The following CDH18 variants were observed in gnomAD, a reference collection of about 807,000 sequenced individuals.
CDH18 encodes cadherin-18.
In CDH18, 31 loss-of-function variants were observed where a neutral mutation model predicts 67.9. The observed-to-expected ratio is 0.46, with a 90% CI of 0.34 to 0.62. The LOEUF (loss-of-function observed/expected upper bound fraction) is 0.62. Ranked by LOEUF, CDH18 falls within the 20% of genes least tolerant of loss-of-function variation. The pLI, the probability that CDH18 is intolerant of heterozygous loss-of-function variation, is 0.01. For synonymous variants in CDH18, 362 were observed against 347.2 expected, an observed-to-expected ratio of 1.04 and a Z score of -0.48; for missense variants, 890 against 975.5, an observed-to-expected ratio of 0.91 and a Z score of 1.17.
At chr5:19,860,588 T>C (rs1784794136) in intron 2 of CDH18, among the ~76,000 whole-genome samples, 1 of 152,052 alleles carries the variant, frequency 6.6e-6, no homozygotes, top group South Asian at 2.1e-4. Context: ...AGGTACATAG[T>C]ATATTTATGC....
chr5:19,797,535 A>G (rs1349834127), intron 3 of CDH18, among the ~76,000 whole-genome samples: 2 of 152,034 alleles, frequency 1.3e-5, no homozygotes, highest in Non-Finnish European at 2.9e-5. Context: ...AACACAAATC[A>G]ATACTAACAA....
At chr5:19,866,199 T>C (rs1233847804) in intron 2 of CDH18, among the ~76,000 whole-genome samples, 3 of 152,164 alleles carry the variant, frequency 2.0e-5, no homozygotes, top group African/African-American at 7.2e-5. Flanking sequence ...CCTTGAGGCG[T>C]TTCTATAATA....
intron 5 of CDH18, among the ~76,000 whole-genome samples, chr5:19,664,279 A>G (rs1757603363): frequency 1.2e-5 from 1 of 81,826 alleles, no homozygotes; most frequent in Non-Finnish European, 2.9e-5. Flanking sequence ...AAATGGTCCT[A>G]TGGGAAAAAT....
At chr5:20,062,596 T>C (rs1212267746) in intron 2 of CDH18, among the ~76,000 whole-genome samples, 3 of 152,204 alleles carry the variant, frequency 2.0e-5, no homozygotes, top group African/African-American at 7.2e-5. Context: ...AACATTTCTC[T>C]ACTGAACTGT....
intron 2 of CDH18, among the ~76,000 whole-genome samples, chr5:20,240,982 T>C (rs1021044812): frequency 6.6e-6 from 1 of 152,144 alleles, no homozygotes; most frequent in Non-Finnish European, 1.5e-5. Context: ...ATGGTGAAAA[T>C]GGCAATTATT....
At chr5:20,340,881 G>C (rs1272954943) in intron 1 of CDH18, among the ~76,000 whole-genome samples, 1 of 152,108 alleles carries the variant, frequency 6.6e-6, no homozygotes, top group African/African-American at 2.4e-5. Context: ...GTTTACTCAG[G>C]CCTTTTGAAT....
chr5:20,214,803 C>A (rs1434007872), intron 2 of CDH18, among the ~76,000 whole-genome samples: 1 of 151,956 alleles, frequency 6.6e-6, no homozygotes, highest in African/African-American at 2.4e-5. Context: ...TAACAAATAT[C>A]ACAAAATGCA....
intron 5 of CDH18, among the ~76,000 whole-genome samples, chr5:19,719,790 G>A (rs1765776717): frequency 6.6e-6 from 1 of 151,544 alleles, no homozygotes; most frequent in Non-Finnish European, 1.5e-5. Flanking sequence ...ATATTCATGT[G>A]TATGTTCTTC....
chr5:19,486,070 T>A (rs1232304565), intron 11 of CDH18, among the ~76,000 whole-genome samples: 1 of 152,112 alleles, frequency 6.6e-6, no homozygotes, highest in African/African-American at 2.4e-5. Context: ...TTCCTGTTTT[T>A]CCCGTTAAAG....
At chr5:19,515,330 T>C (rs957603692) in intron 10 of CDH18, among the ~76,000 whole-genome samples, 1 of 151,512 alleles carries the variant, frequency 6.6e-6, no homozygotes, top group Admixed American at 6.6e-5. Flanking sequence ...GCAATGTGGG[T>C]TCTTTTTTGG....
At chr5:20,507,723 A>T (rs2126470681) in intron 1 of CDH18, among the ~76,000 whole-genome samples, 1 of 152,288 alleles carries the variant, frequency 6.6e-6, no homozygotes, top group South Asian at 2.1e-4. Flanking sequence ...CCACATTTTT[A>T]AAATCCAGCT....
chr5:20,078,605 T>C (rs571410305), intron 2 of CDH18, among the ~76,000 whole-genome samples: 12 of 152,090 alleles, frequency 7.9e-5, no homozygotes, highest in African/African-American at 2.6e-4. Flanking sequence ...TATAATTTTA[T>C]TTATTTATTT....
intron 1 of CDH18, among the ~76,000 whole-genome samples, chr5:20,481,669 C>T (rs1752820085): frequency 6.6e-6 from 1 of 151,894 alleles, no homozygotes; most frequent in South Asian, 2.1e-4. Context: ...GCTAAACAAA[C>T]ATATGGAAAT....
intron 5 of CDH18, among the ~76,000 whole-genome samples, chr5:19,677,606 G>C (rs1759676593): frequency 6.6e-6 from 1 of 151,786 alleles, no homozygotes; most frequent in Admixed American, 6.6e-5. Context: ...CAATTAAAAG[G>C]AACAGAGTGG....
intron 5 of CDH18, among the ~76,000 whole-genome samples, chr5:19,682,488 T>C (rs2150388772): frequency 6.6e-6 from 1 of 152,138 alleles, no homozygotes; most frequent in South Asian, 2.1e-4. Context: ...TGGTACCCCA[T>C]CCTTTTCCCA....
At chr5:20,336,740 AAAAAAAAAAAAAAAAG>A (rs1220792079) in intron 1 of CDH18, among the ~76,000 whole-genome samples, 3 of 150,066 alleles carry the variant, frequency 2.0e-5, no homozygotes, top group Non-Finnish European at 4.5e-5. Context: ...AAAAAAAAAA[AAAAAAAAAAAAAAAAG>A]AACTTTTCCT....
At chr5:19,684,679 G>A (rs1026943158) in intron 5 of CDH18, among the ~76,000 whole-genome samples, 3 of 151,684 alleles carry the variant, frequency 2.0e-5, no homozygotes, top group African/African-American at 7.3e-5. Flanking sequence ...TGAAAACCCT[G>A]TAATTTGGAA....
At chr5:20,197,659 C>T (rs1243222081) in intron 2 of CDH18, among the ~76,000 whole-genome samples, 1 of 152,092 alleles carries the variant, frequency 6.6e-6, no homozygotes, top group African/African-American at 2.4e-5. Flanking sequence ...GAAATTTTGG[C>T]ATGGCATTTA....
intron 2 of CDH18, among the ~76,000 whole-genome samples, chr5:20,192,174 T>C (rs2126721068): frequency 6.6e-6 from 1 of 152,202 alleles, no homozygotes; most frequent in East Asian, 1.9e-4. Flanking sequence ...GAAGTGTTTG[T>C]TCATATCCTT....
Sources: gnomAD v4.1 joint callset for allele counts (sites outside exome capture counted in the v4.1 genomes callset) on GRCh38, gnomAD v4.1.1 for gene constraint, MANE v1.5 for transcripts, NCBI Gene and HGNC (gene_info 2026-07-23, HGNC 2026-07-21) for gene names.